The following DNAI3 variants were observed in gnomAD, a reference collection of about 807,000 sequenced individuals.
DNAI3 encodes the protein dynein axonemal intermediate chain 3.
DNAI3 carries 83 observed loss-of-function variants against 115.5 expected under a neutral mutation model. The observed-to-expected ratio is 0.72, with a 90% CI of 0.60 to 0.86. DNAI3 has a LOEUF of 0.86. DNAI3 is among the 40% of genes least tolerant of loss of function. The pLI is 0.00. For missense variants in DNAI3, 1,004 were observed against 1,075.8 expected (o/e 0.93, Z 0.93); for synonymous variants, 320 against 347.0 (o/e 0.92, Z 0.86).
At chr1:85,128,948 T>C (rs1656233083) in intron 21 of DNAI3, 149 bp downstream of exon 21, 1 of 704,176 alleles carries the variant, frequency 1.4e-6, no homozygotes, top group East Asian at 3.0e-5. Flanking sequence ...TTCTGTTGTA[T>C]GAGTTAAATA....
chr1:85,110,399 C>T (rs1655619196), intron 16 of DNAI3, among the ~76,000 whole-genome samples: 1 of 151,006 alleles, frequency 6.6e-6, no homozygotes, highest in Non-Finnish European at 1.5e-5. Context: ...TGCAGTGAGC[C>T]GAGATCGTGC....
At chr1:85,123,950 A>G (rs994433566) in intron 18 of DNAI3, among the ~76,000 whole-genome samples, 171 bp from the exon 19 acceptor site, 2 of 152,212 alleles carry the variant, frequency 1.3e-5, no homozygotes, top group African/African-American at 2.4e-5. Flanking sequence ...TTCCATAATA[A>G]CAGAAGGAGC....
chr1:85,088,882 T>C (rs1488280229), intron 7 of DNAI3, among the ~76,000 whole-genome samples: 1 of 151,958 alleles, frequency 6.6e-6, no homozygotes, highest in Non-Finnish European at 1.5e-5. Context: ...AATTAAAAGG[T>C]GAAGCTGAGA....
chr1:85,123,447 G>A (rs1571200880), intron 18 of DNAI3, among the ~76,000 whole-genome samples: 1 of 152,248 alleles, frequency 6.6e-6, no homozygotes, highest in East Asian at 1.9e-4. Context: ...CCAGATTGCT[G>A]TCGGGGGTGC....
intron 13 of DNAI3, among the ~76,000 whole-genome samples, chr1:85,101,471 T>TC (rs1399587504): frequency 6.6e-6 from 1 of 152,056 alleles, no homozygotes; most frequent in Non-Finnish European, 1.5e-5. Flanking sequence ...ACGCCTGTAA[T>TC]CCCAGCACTT....
intron 7 of DNAI3, among the ~76,000 whole-genome samples, chr1:85,089,539 G>A (rs936258158): frequency 5.3e-5 from 8 of 150,422 alleles, no homozygotes; most frequent in African/African-American, 2.0e-4. Context: ...AGTTTTGTAT[G>A]TTTAGAGCAG....
intron 1 of DNAI3, among the ~76,000 whole-genome samples, chr1:85,064,531 G>A (rs6576747): frequency 0.86 from 131,321 of 152,192 alleles, 56,848 homozygotes; most frequent in South Asian, 0.92. Flanking sequence ...TCTTGCAGAC[G>A]CATTTACCAG....
At chr1:85,066,299 A>G (rs1298936632) in intron 1 of DNAI3, among the ~76,000 whole-genome samples, 14 of 129,510 alleles carry the variant, frequency 1.1e-4, no homozygotes. Flanking sequence ...TAGACGAATT[A>G]TCTCTTCTGC....
intron 1 of DNAI3, among the ~76,000 whole-genome samples, chr1:85,068,957 GC>G (rs1654181702): frequency 6.6e-6 from 1 of 152,180 alleles, no homozygotes; most frequent in African/African-American, 2.4e-5. Flanking sequence ...GTGAAATAAG[GC>G]CTGCTTCTTC....
chr1:85,066,608 G>A (rs977830830), intron 1 of DNAI3, among the ~76,000 whole-genome samples: 12 of 152,052 alleles, frequency 7.9e-5, no homozygotes, highest in African/African-American at 2.7e-4. Context: ...GATTACAGGC[G>A]TGAGCCACTG....
intron 7 of DNAI3, among the ~76,000 whole-genome samples, chr1:85,088,264 A>G (rs1654855943): frequency 6.6e-6 from 1 of 152,114 alleles, no homozygotes. Flanking sequence ...AATACAGACT[A>G]ATAATAATAA....
intron 1 of DNAI3, among the ~76,000 whole-genome samples, chr1:85,069,488 G>A (rs766985091): frequency 2.0e-5 from 3 of 152,100 alleles, no homozygotes; most frequent in Non-Finnish European, 2.9e-5. Flanking sequence ...ATAGCATCTG[G>A]TGCAGCATAG....
chr1:85,124,387 C>CA lies in DNAI3; in HGVS notation c.2112+137dup, dbSNP rs1656073295. On this transcript the variant is annotated intron_variant, in intron 19 of 22. Coordinates refer to ENST00000294664, the MANE Select transcript of DNAI3 (RefSeq NM_145172.5). ...AAATTAGAACAGATGGCAGGGACAC[C>CA]AGCTTGTCAGCAGAACCACTGTAAT... 3 of 1,164,280 alleles carry CA rather than the reference C, an allele frequency of 2.6e-6. No homozygotes were observed. In the Admixed American group the frequency reaches 5.5e-5, roughly 22 times the overall value. 72.1% of individuals were successfully genotyped at this position (1,164,280 alleles called of 1,614,324 possible). A position where few individuals can be genotyped will look rare whatever the true frequency, so the allele number is the denominator to read the frequency against.
chr1:85,063,063 CCTT>C (rs775357143), intron 1 of DNAI3, among the ~76,000 whole-genome samples: 22 of 152,156 alleles, frequency 1.4e-4, no homozygotes, highest in Non-Finnish European at 3.1e-4. Context: ...AATACTTTCT[CCTT>C]CTTCTTGTGT....
intron 3 of DNAI3, among the ~76,000 whole-genome samples, chr1:85,075,126 C>G (rs1285979096): frequency 2.0e-5 from 3 of 152,094 alleles, no homozygotes; most frequent in Non-Finnish European, 4.4e-5. Context: ...CTCCTGGGCT[C>G]AAGGGATCCT....
intron 16 of DNAI3, among the ~76,000 whole-genome samples, chr1:85,115,457 A>C (rs1394675517): frequency 6.6e-6 from 1 of 152,250 alleles, no homozygotes; most frequent in South Asian, 2.1e-4. Flanking sequence ...AGTGCCTGGC[A>C]TGTAGTAAGC....
chr1:85,127,736 C>T (rs1656190391), intron 20 of DNAI3, among the ~76,000 whole-genome samples: 2 of 152,128 alleles, frequency 1.3e-5, no homozygotes, highest in African/African-American at 2.4e-5. Context: ...CTTTGTACGC[C>T]TACAGGGATT....
Position 85,097,561 on chromosome 1 carries a change from C to T in DNAI3, c.1264-8C>T, listed in dbSNP as rs775020832. 4.4e-6 allele frequency: 7 copies of T among 1,594,700 alleles called. No individual in the cohort carries two copies. The South Asian group carries it at 8.1e-5, about 19-fold the overall frequency. The stretch of plus-strand genomic sequence containing the variant: ...AAAAGGTTATGATAACATTTATTTC[C>T]ATTTTAGATTGTCATGTGGGATATC... On this transcript the variant is annotated splice_region_variant and splice_polypyrimidine_tract_variant and intron_variant, in intron 11 of 22. Coordinates refer to ENST00000294664, the MANE Select transcript of DNAI3 (RefSeq NM_145172.5).
In DNAI3 at chr1:85,089,769, G is replaced by A. The variant is rs143812008; in HGVS notation, c.741-347G>A. Among the ~76,000 whole-genome samples, 502 of 152,026 alleles carry A rather than the reference G, an allele frequency of 3.3e-3. 3 individuals are homozygous for A. Among genetic ancestry groups the A allele is most frequent in the African/African-American group, 0.012 (484 of 41,442 alleles). On this transcript the variant is annotated intron_variant, in intron 7 of 22. Coordinates refer to ENST00000294664, the MANE Select transcript of DNAI3 (RefSeq NM_145172.5). ...TGACTTAGTGAAATGAAGAGAGAGA[G>A]AAAACAATAAAGATGGCAAAATGTT...
Sources: allele counts gnomAD v4.1 joint callset (sites outside exome capture counted in the v4.1 genomes callset), GRCh38; gene constraint gnomAD v4.1.1; transcripts MANE v1.5; gene names NCBI Gene and HGNC (gene_info 2026-07-23, HGNC 2026-07-21).